Variants in RPE65 observed in about 807,000 individuals in gnomAD.
RPE65 encodes retinoid isomerohydrolase.
RPE65 carries 58 observed loss-of-function variants against 68.5 expected under a neutral mutation model. The observed-to-expected ratio is 0.85, with a 90% CI of 0.69 to 1.05. The LOEUF (loss-of-function observed/expected upper bound fraction) is 1.05. Among genes scored for constraint, RPE65 ranks in the 50% least tolerant of loss-of-function variants. RPE65 has a pLI of 0.00. For missense variants in RPE65, 643 were observed against 629.9 expected, an observed-to-expected ratio of 1.02 and a Z score of -0.22; for synonymous variants, 220 against 222.2, an observed-to-expected ratio of 0.99 and a Z score of 0.09.
chr1:68,438,129 T>C, intron 10 of RPE65, 58 bp downstream of exon 10: 1 of 1,606,348 alleles, frequency 6.2e-7, no homozygotes. Context: ...AGGAGGACAA[T>C]TCCTGAGAGA....
chr1:68,447,038 A>G (rs569683860), intron 2 of RPE65, among the ~76,000 whole-genome samples, 178 bp from the exon 3 acceptor site: 7 of 151,840 alleles, frequency 4.6e-5, no homozygotes, highest in Non-Finnish European at 1.0e-4. Context: ...TGCTGACTTG[A>G]CTCACCTTCA....
intron 7 of RPE65, 56 bp from the exon 8 acceptor site, chr1:68,439,379 A>G: frequency 6.2e-7 from 1 of 1,608,984 alleles, no homozygotes; most frequent in Non-Finnish European, 8.5e-7. Flanking sequence ...CAAGCCACAG[A>G]CAAATTTGTA....
rs1645805354 is a variant in RPE65 at position 68,429,568 on chromosome 1, A to C, written c.*208T>G. Reference sequence around the variant, plus strand: ...CAGTTATGGCCTGTCTCACAGAGGAAGTATGATTATCTAAATACGTACTTT... The same window carrying C: ...CAGTTATGGCCTGTCTCACAGAGGACGTATGATTATCTAAATACGTACTTT... On this transcript the variant is annotated 3_prime_UTR_variant, in exon 14 of 14. Coordinates refer to ENST00000262340, the MANE Select transcript of RPE65 (RefSeq NM_000329.3). 1.7e-6 allele frequency: 1 copy of C among 584,612 alleles called. No individual in the cohort carries two copies. The highest frequency in any genetic ancestry group is 1.9e-5 in the African/African-American group (1 of 53,524). 36.2% of individuals were successfully genotyped at this position (584,612 alleles called of 1,614,324 possible).
chr1:68,438,035 G>T, intron 10 of RPE65, 152 bp downstream of exon 10: 2 of 909,404 alleles, frequency 2.2e-6, no homozygotes, highest in Non-Finnish European at 3.3e-6. Flanking sequence ...AGTTTCATTT[G>T]TAAAATGAAG....
At chr1:68,441,128 C>T in intron 5 of RPE65, 128 bp from the exon 6 acceptor site, 7 of 1,094,812 alleles carry the variant, frequency 6.4e-6, no homozygotes, top group Non-Finnish European at 9.4e-6. Flanking sequence ...CTTCCCATCT[C>T]TCTGGATTCT....
At chr1:68,446,936 T>G in intron 2 of RPE65, 76 bp from the exon 3 acceptor site, 850 of 1,589,404 alleles carry the variant, frequency 5.3e-4, no homozygotes, top group Middle Eastern at 6.8e-4. Context: ...AGGCAGAGTA[T>G]ATCAGCAGCC....
intron 5 of RPE65, among the ~76,000 whole-genome samples, chr1:68,444,108 G>T (rs1645924372): frequency 6.6e-6 from 1 of 152,144 alleles, no homozygotes; most frequent in South Asian, 2.1e-4. Context: ...CCTACTCATT[G>T]ATCTATCCCT....
chr1:68,439,204 T>C lies in RPE65; in HGVS notation c.845A>G (p.Asn282Ser), dbSNP rs144612129. The C allele has an allele frequency of 5.8e-5, 94 of 1,614,080 alleles. 1 individual carries two copies. Among genetic ancestry groups the C allele is most frequent in the Middle Eastern group, 4.9e-4 (3 of 6,062 alleles). ...TCTAAGACTTACCCCCATGGTTTCA[T>C]TGGACTCAAAACAATCCATGTAGTT... ...GANYMDCFES[N>S]ETMGVWLHIA... Residue 282 changes from asparagine (N) to serine (S), a missense_variant, in exon 8 of 14, where the codon AAT becomes AGT. Physicochemically the swap from Asn to Ser is conservative, Grantham distance 46. Transcript: ENST00000262340.
At chr1:68,431,634 C>G (rs1262025503) in intron 10 of RPE65, 49 bp from the exon 11 acceptor site, 1 of 1,496,370 alleles carries the variant, frequency 6.7e-7, no homozygotes, top group Non-Finnish European at 9.3e-7. Flanking sequence ...AGAATTCAAA[C>G]AGCCAGAAAT....
chr1:68,431,707 A>G, intron 10 of RPE65, 122 bp from the exon 11 acceptor site: 4 of 800,984 alleles, frequency 5.0e-6, no homozygotes, highest in Non-Finnish European at 8.5e-6. Flanking sequence ...GAGGAACTGC[A>G]GGAAGCTATA....
At chr1:68,447,849 C>CA (rs1272504176) in intron 2 of RPE65, among the ~76,000 whole-genome samples, 1 of 151,162 alleles carries the variant, frequency 6.6e-6, no homozygotes. Context: ...GACTCTGTCT[C>CA]AAAAAACAAA....
chr1:68,429,199 A>C lies in RPE65; in HGVS notation c.*577T>G, dbSNP rs1397521806. Reference sequence around the variant, plus strand: ...TTATTATAAAATCAGAAATAATAGTACTTGCTTGTAATAAACGGAAAGGTT... The same window carrying C: ...TTATTATAAAATCAGAAATAATAGTCCTTGCTTGTAATAAACGGAAAGGTT... On this transcript the variant is annotated 3_prime_UTR_variant, in exon 14 of 14. Transcript: ENST00000262340. 6.5e-6 allele frequency: 1 copy of C among 152,898 alleles called. No individual in the cohort carries two copies. Among genetic ancestry groups the C allele is most frequent in the Non-Finnish European group, 1.5e-5 (1 of 68,596 alleles). The allele number at this position is 152,898 out of a possible 1,614,324, so 9.5% of individuals were successfully genotyped here.
intron 1 of RPE65, 113 bp from the exon 2 acceptor site, chr1:68,448,819 C>A: frequency 2.1e-6 from 1 of 482,668 alleles, no homozygotes; most frequent in Non-Finnish European, 3.9e-6. Flanking sequence ...AGCCTGTTCA[C>A]TCCTGCCGGT....
intron 2 of RPE65, among the ~76,000 whole-genome samples, chr1:68,448,035 T>G (rs997116600): frequency 4.6e-5 from 7 of 152,220 alleles, no homozygotes; most frequent in Non-Finnish European, 1.0e-4. Context: ...TATTGATCAC[T>G]TTGTGTTGGA....
Position 68,429,840 on chromosome 1 carries a change from A to G in RPE65, c.1538T>C (p.Val513Ala), listed in dbSNP as rs1461949532. ...GTTAATCTCCACTTCAGCCCGGGCA[A>G]CTTCACTTAAGTCCTTGGCATTCAG... ...LILNAKDLSEVARAEVEINIP... is the reference protein window; with the variant it reads ...LILNAKDLSEAARAEVEINIP... Residue 513 changes from valine to alanine, a missense_variant, in exon 14 of 14, where the codon GTT becomes GCT. Physicochemically the swap from Val to Ala is moderately conservative, Grantham distance 64. Transcript: ENST00000262340. The G allele has an allele frequency of 6.2e-7, 1 of 1,613,862 alleles. No individual in the cohort carries two copies. The highest frequency in any genetic ancestry group is 1.1e-5 in the South Asian group (1 of 91,078).
chr1:68,447,877 A>C (rs761278466), intron 2 of RPE65, among the ~76,000 whole-genome samples: 38 of 151,852 alleles, frequency 2.5e-4, no homozygotes, highest in African/African-American at 3.9e-4. Context: ...AACAAACAAA[A>C]AAACAAACAA....
At chr1:68,446,499 G>T (rs535320084) in intron 3 of RPE65, among the ~76,000 whole-genome samples, 1 of 152,318 alleles carries the variant, frequency 6.6e-6, no homozygotes, top group Non-Finnish European at 1.5e-5. Context: ...AGCCACTCAT[G>T]TTGGACCCCA....
intron 7 of RPE65, 116 bp from the exon 8 acceptor site, chr1:68,439,439 A>C: frequency 6.5e-7 from 1 of 1,548,464 alleles, no homozygotes; most frequent in Non-Finnish European, 8.9e-7. Flanking sequence ...ACATGAAATT[A>C]ATTATGTTTA....
chr1:68,440,075 G>A (rs926082486), intron 6 of RPE65, among the ~76,000 whole-genome samples: 2 of 152,186 alleles, frequency 1.3e-5, no homozygotes, highest in African/African-American at 4.8e-5. Context: ...TCACTAGTAA[G>A]TGAATGGTCC....
Sources: gnomAD v4.1 joint callset for allele counts (sites outside exome capture counted in the v4.1 genomes callset) on GRCh38, gnomAD v4.1.1 for gene constraint, MANE v1.5 for transcripts, NCBI Gene and HGNC (gene_info 2026-07-23, HGNC 2026-07-21) for gene names.